The following RPL35A variants were observed in gnomAD, a reference collection of about 807,000 sequenced individuals.
The protein encoded by RPL35A is large ribosomal subunit protein eL33.
A neutral mutation model predicts 16.7 loss-of-function variants in RPL35A; 1 was observed. The ratio of observed to expected loss-of-function variants is 0.06; its 90% CI spans 0.02 to 0.28. The LOEUF (loss-of-function observed/expected upper bound fraction) is 0.28. Among genes scored for constraint, RPL35A ranks in the 10% least tolerant of loss-of-function variants. The pLI is 1.00. For synonymous variants in RPL35A, 58 were observed against 47.0 expected (o/e 1.23, Z -0.96); for missense variants, 91 against 138.7 (o/e 0.66, Z 1.73).
intron 1 of RPL35A, 177 bp downstream of exon 1, chr3:197,950,398 T>A: frequency 9.0e-7 from 1 of 1,108,120 alleles, no homozygotes; most frequent in Non-Finnish European, 1.1e-6. Context: ...TTTGGTCCCC[T>A]GACACCCGGA....
chr3:197,954,338 T>G, intron 4 of RPL35A, 191 bp downstream of exon 4: 1 of 655,352 alleles, frequency 1.5e-6, no homozygotes. Context: ...TGTTTTTTGT[T>G]TTTTTTTTGG....
At chr3:197,951,462 C>T in intron 3 of RPL35A, 151 bp downstream of exon 3, 1 of 783,778 alleles carries the variant, frequency 1.3e-6, no homozygotes, top group Non-Finnish European at 2.1e-6. Context: ...AAGCAAGTGT[C>T]CTGTCTCAGC....
chr3:197,953,883 A>G (rs1720322410), intron 3 of RPL35A, 120 bp from the exon 4 acceptor site: 1 of 902,610 alleles, frequency 1.1e-6, no homozygotes, highest in African/African-American at 1.6e-5. Context: ...CTAGGCATTT[A>G]AAGTTTCTCA....
chr3:197,955,842 C>G lies in RPL35A; in HGVS notation c.*69C>G. 7.8e-7 allele frequency: 1 copy of G among 1,287,228 alleles called. No individual in the cohort carries two copies. The allele number at this position is 1,287,228 out of a possible 1,614,324, so 79.7% of individuals were successfully genotyped here. On this transcript the variant is annotated 3_prime_UTR_variant, in exon 5 of 5. Coordinates refer to ENST00000647248, the MANE Select transcript of RPL35A (RefSeq NM_000996.4). ...ATTTTTAAGTGGATTAAAAAACTTA[C>G]TACCTTAAATTGATTTGCTACATGC...
At position 197,950,989 on chromosome 3, in the gene RPL35A, T is replaced by G; in HGVS notation, c.11+11T>G. 1 of 1,613,356 alleles carries G rather than the reference T, an allele frequency of 6.2e-7. No homozygotes were observed. Among genetic ancestry groups the G allele is most frequent in the Non-Finnish European group, 8.5e-7 (1 of 1,179,256 alleles). ...AACTATGTCTGGAAGGTACGCGTTT[T>G]AAATATAGTTCTTTATTTTTGTGTG... is the stretch of plus-strand genomic sequence containing the variant. On this transcript the variant is annotated intron_variant, in intron 2 of 4. Transcript: ENST00000647248.
chr3:197,951,760 G>A (rs545744321), intron 3 of RPL35A: 95 of 183,344 alleles, frequency 5.2e-4, no homozygotes, highest in African/African-American at 2.1e-3. Context: ...GGGCAGTAGC[G>A]CGATCTTGGC....
rs141802622 is a variant in RPL35A, at chr3:197,951,941, C to T, written c.164+630C>T. Among the ~76,000 whole-genome samples, 243 of 152,184 alleles carry T rather than the reference C, an allele frequency of 1.6e-3. 6 individuals are homozygous for T. The highest frequency in any genetic ancestry group is 0.013 in the Admixed American group (204 of 15,280). The stretch of plus-strand genomic sequence containing the variant: ...TGGTATTGCTGTGGCTTCTATTTTG[C>T]GTCATTAAGGAACTTAATGGGGAGT... On this transcript the variant is annotated intron_variant, in intron 3 of 4. Coordinates refer to ENST00000647248, the MANE Select transcript of RPL35A (RefSeq NM_000996.4).
At position 197,950,225 on chromosome 3, in the gene RPL35A, A is replaced by C. The variant is rs941510482; in HGVS notation, c.-33+4A>C. 3.6e-5 allele frequency: 44 copies of C among 1,231,218 alleles called. 1 individual carries two copies. In the East Asian group the frequency reaches 1.4e-3, roughly 38 times the overall value. 76.3% of individuals were successfully genotyped at this position (1,231,218 alleles called of 1,614,324 possible). A position where few individuals can be genotyped will look rare whatever the true frequency, so the allele number is the denominator to read the frequency against. ...CGCCATCTTGGCTCCTGTGGAGGTG[A>C]GTGAAGGGTCTGCTGCTGAAATTTG... On this transcript the variant is annotated splice_donor_region_variant and intron_variant, in intron 1 of 4. Transcript: ENST00000647248.
chr3:197,953,736 TATC>T, intron 3 of RPL35A: 1 of 540,092 alleles, frequency 1.9e-6, no homozygotes, highest in South Asian at 2.0e-5. Flanking sequence ...TTGCCTCTGT[TATC>T]ATCTGACCTA....
intron 4 of RPL35A, chr3:197,954,394 C>A: frequency 1.8e-6 from 1 of 543,828 alleles, no homozygotes; most frequent in South Asian, 2.0e-5. Context: ...GGTGCAGTGG[C>A]ATAATCACAG....
In RPL35A at chr3:197,956,024, A is replaced by G; in HGVS notation, c.*251A>G. On this transcript the variant is annotated 3_prime_UTR_variant, in exon 5 of 5. Coordinates refer to ENST00000647248, the MANE Select transcript of RPL35A (RefSeq NM_000996.4). ...TGCTCTGTTGCCCATGCTGGAGTGT[A>G]GTGGTGCTCGCTGCAGCCTCACATT... 1 of 487,066 alleles carries G rather than the reference A, an allele frequency of 2.1e-6. No homozygotes were observed. The highest frequency in any genetic ancestry group is 3.8e-6 in the Non-Finnish European group (1 of 266,248). 30.2% of individuals were successfully genotyped at this position (487,066 alleles called of 1,614,324 possible).
rs773689278 is a variant in RPL35A, at chr3:197,954,091, C to T, written c.253C>T (p.Arg85Cys). ...TRAHGNSGMV[R>C]AKFRSNLPAK... is the part of the protein sequence containing the mutation. ...GGCCCATGGAAACAGTGGCATGGTT[C>T]GTGCCAAATTCCGAAGCAATCTTCC... Residue 85 changes from arginine to cysteine, a missense_variant, in exon 4 of 5, where the codon CGT becomes TGT. Transcript: ENST00000647248. The T allele has an allele frequency of 8.7e-6, 14 of 1,614,124 alleles. No individual in the cohort carries two copies. Among genetic ancestry groups the T allele is most frequent in the South Asian group, 1.1e-5 (1 of 91,072 alleles).
chr3:197,950,770 C>T (rs964623470), intron 1 of RPL35A, 166 bp from the exon 2 acceptor site: 6 of 638,902 alleles, frequency 9.4e-6, no homozygotes, highest in African/African-American at 7.3e-5. Flanking sequence ...GTTTGAATGT[C>T]TTGCCGGACC....
chr3:197,951,377 G>C lies in RPL35A; in HGVS notation c.164+66G>C, dbSNP rs200428469. ...TGCCTCATTTTCTTTTTTATATAAC[G>C]GAGTCTTGCTCTGTTGCCGAGGCTG... On this transcript the variant is annotated intron_variant, in intron 3 of 4. Transcript: ENST00000647248. 24 of 1,536,496 alleles carry C rather than the reference G, an allele frequency of 1.6e-5. No homozygotes were observed. The East Asian group carries it at 5.4e-4, about 35-fold the overall frequency.
At chr3:197,952,836 C>CT (rs113975470) in intron 3 of RPL35A, among the ~76,000 whole-genome samples, 2,638 of 144,198 alleles carry the variant, frequency 0.018, 45 homozygotes, top group African/African-American at 0.044. Flanking sequence ...ATGCTGTAGA[C>CT]TTTTTTTTTT....
In RPL35A at chr3:197,950,950, G is replaced by A. The variant is rs1256733665; in HGVS notation, c.-18G>A. The A allele has an allele frequency of 4.3e-6, 7 of 1,614,060 alleles. 1 individual carries two copies. In the Admixed American group the frequency reaches 5.0e-5, roughly 12 times the overall value. On this transcript the variant is annotated 5_prime_UTR_variant, in exon 2 of 5. Coordinates refer to ENST00000647248, the MANE Select transcript of RPL35A (RefSeq NM_000996.4). Reference sequence around the variant, plus strand: ...TTTGTTTTAAGGCCTGCTGGGAACGGGACTTCTAAAAGGAACTATGTCTGG... The same window carrying A: ...TTTGTTTTAAGGCCTGCTGGGAACGAGACTTCTAAAAGGAACTATGTCTGG...
At position 197,952,164 on chromosome 3, in the gene RPL35A, T is replaced by G. The variant is rs940419539; in HGVS notation, c.164+853T>G. Among the ~76,000 whole-genome samples the G allele has an allele frequency of 1.3e-4, 10 of 74,190 alleles. No individual in the cohort carries two copies. In the African/African-American group the frequency reaches 1.4e-3, roughly 10 times the overall value. 48.7% of individuals were successfully genotyped at this position (74,190 alleles called of 152,430 possible). On this transcript the variant is annotated intron_variant, in intron 3 of 4. Transcript: ENST00000647248. ...TTGTTAATGCCTTAAAATTATGGGTTTTTTTTTTTTTTTTTTTTTTTTTTG... is the reference window on the plus strand; with the variant it reads ...TTGTTAATGCCTTAAAATTATGGGTGTTTTTTTTTTTTTTTTTTTTTTTTG...
In RPL35A at chr3:197,952,302, T is replaced by G. The variant is rs1164533566; in HGVS notation, c.164+991T>G. 2.7e-5 allele frequency among the ~76,000 whole-genome samples: 4 copies of G among 150,090 alleles called. No homozygotes were observed. The East Asian group carries it at 8.0e-4, about 30-fold the overall frequency. On this transcript the variant is annotated intron_variant, in intron 3 of 4. Coordinates refer to ENST00000647248, the MANE Select transcript of RPL35A (RefSeq NM_000996.4). ...CTCCTGCCTTAGCCTCCTGAGTAGC[T>G]GGGATTACAGGCGGCCGCCACCATG...
In RPL35A at chr3:197,954,322, GTTGT is replaced by G. The variant is rs953988042; in HGVS notation, c.309+182_309+185del. The G allele has an allele frequency of 7.5e-5, 54 of 720,514 alleles. 2 individuals are homozygous for G. Among genetic ancestry groups the G allele is most frequent in the Middle Eastern group, 5.3e-4 (2 of 3,758 alleles). The allele number at this position is 720,514 out of a possible 1,614,324, so 44.6% of individuals were successfully genotyped here. ...AGTAATTGAAAGAATTAGGTGTTTG[GTTGT>G]TTGTTTTTTGTTTTTTTTTTGGGGG... On this transcript the variant is annotated intron_variant, in intron 4 of 4. Coordinates refer to ENST00000647248, the MANE Select transcript of RPL35A (RefSeq NM_000996.4).
Sources: allele counts gnomAD v4.1 joint callset (sites outside exome capture counted in the v4.1 genomes callset), GRCh38; gene constraint gnomAD v4.1.1; transcripts MANE v1.5; gene names NCBI Gene and HGNC (gene_info 2026-07-23, HGNC 2026-07-21).